Variants in STAG1 observed in about 807,000 individuals in gnomAD.
The protein encoded by STAG1 is STAG1 cohesin complex component, also known as cohesin subunit SA-1.
STAG1 carries 26 observed loss-of-function variants against 170.9 expected under a neutral mutation model. The observed-to-expected ratio is 0.15, with a 90% CI of 0.11 to 0.21. The LOEUF (loss-of-function observed/expected upper bound fraction) is 0.21. Among genes scored for constraint, STAG1 ranks in the 10% least tolerant of loss-of-function variants. The probability of loss-of-function intolerance (pLI) is 1.00; values close to 1 mark genes in which losing one functional copy is unlikely to be tolerated. For missense variants in STAG1, 964 were observed against 1,509.5 expected (o/e 0.64, Z 5.99); for synonymous variants, 514 against 497.7 (o/e 1.03, Z -0.44).
At chr3:136,702,758 G>C (rs1401351198) in intron 1 of STAG1, among the ~76,000 whole-genome samples, 4 of 152,058 alleles carry the variant, frequency 2.6e-5, no homozygotes, top group African/African-American at 9.7e-5. Context: ...GGAAACAGGA[G>C]ATAACGTCAA....
chr3:136,500,181 T>C, intron 9 of STAG1, 42 bp downstream of exon 9: 1 of 1,267,664 alleles, frequency 7.9e-7, no homozygotes, highest in South Asian at 1.3e-5. Flanking sequence ...TCAATAATTG[T>C]TTAAGTGAAA....
In STAG1 at chr3:136,664,754, A is replaced by G. The variant is rs1003159149; in HGVS notation, c.-83-33773T>C. On this transcript the variant is annotated intron_variant, in intron 1 of 33. Coordinates refer to ENST00000383202, the MANE Select transcript of STAG1 (RefSeq NM_005862.3). ...GGCATTAAAGACTACCACATGCCAC[A>G]GCCAAGAGAAAGACCTGTGGATGAA... 1.1e-4 allele frequency among the ~76,000 whole-genome samples: 17 copies of G among 152,234 alleles called. 1 individual carries two copies. The highest frequency in any genetic ancestry group is 2.1e-4 in the South Asian group (1 of 4,836).
At chr3:136,507,690 G>A (rs1281135005) in intron 7 of STAG1, among the ~76,000 whole-genome samples, 5 of 151,968 alleles carry the variant, frequency 3.3e-5, no homozygotes, top group African/African-American at 1.2e-4. Context: ...TAAATCATGT[G>A]ACTATATTAT....
chr3:136,663,950 C>G (rs1941667254), intron 1 of STAG1, among the ~76,000 whole-genome samples: 1 of 152,026 alleles, frequency 6.6e-6, no homozygotes, highest in African/African-American at 2.4e-5. Context: ...AGAGAGGATC[C>G]AAGCTTAAAA....
At chr3:136,547,544 T>A (rs549922844) in intron 5 of STAG1, among the ~76,000 whole-genome samples, 1 of 152,340 alleles carries the variant, frequency 6.6e-6, no homozygotes, top group South Asian at 2.1e-4. Context: ...TTCCATGAGT[T>A]AACATACCTC....
At chr3:136,394,638 G>A (rs555785630) in intron 22 of STAG1, among the ~76,000 whole-genome samples, 21 of 151,522 alleles carry the variant, frequency 1.4e-4, no homozygotes, top group African/African-American at 4.6e-4. Flanking sequence ...GTAGCCAGGC[G>A]TGGCTGGGTG....
chr3:136,409,386 G>A (rs531097646), intron 21 of STAG1, among the ~76,000 whole-genome samples: 2 of 152,156 alleles, frequency 1.3e-5, no homozygotes, highest in South Asian at 4.2e-4. Flanking sequence ...ATCCAGGATG[G>A]AGTGCAGTGG....
chr3:136,663,829 A>T (rs1157718970), intron 1 of STAG1, among the ~76,000 whole-genome samples: 1 of 152,204 alleles, frequency 6.6e-6, no homozygotes, highest in East Asian at 1.9e-4. Context: ...CTCAGATCAG[A>T]AAATGTGGGT....
At chr3:136,561,515 T>C (rs1305211690) in intron 5 of STAG1, among the ~76,000 whole-genome samples, 2 of 152,232 alleles carry the variant, frequency 1.3e-5, no homozygotes, top group African/African-American at 2.4e-5. Context: ...TTAAATCTTC[T>C]AACTGGCTGT....
intron 14 of STAG1, among the ~76,000 whole-genome samples, chr3:136,450,068 A>T (rs879879142): frequency 3.3e-5 from 5 of 151,926 alleles, no homozygotes; most frequent in Non-Finnish European, 5.9e-5. Context: ...CCTCTAAAAA[A>T]CCTAAGGGAG....
At chr3:136,366,793 T>G (rs1283386738) in intron 25 of STAG1, 150 bp downstream of exon 25, 10 of 558,458 alleles carry the variant, frequency 1.8e-5, no homozygotes, top group South Asian at 3.5e-5. Flanking sequence ...TACAGACTGA[T>G]AAAAAGCTTA....
intron 5 of STAG1, among the ~76,000 whole-genome samples, chr3:136,545,145 T>C (rs1380724152): frequency 2.0e-5 from 3 of 151,942 alleles, no homozygotes; most frequent in Non-Finnish European, 4.4e-5. Context: ...GCCTCCCGGG[T>C]TCAAGTGATT....
At chr3:136,594,303 C>T (rs924194934) in intron 4 of STAG1, among the ~76,000 whole-genome samples, 2 of 152,090 alleles carry the variant, frequency 1.3e-5, no homozygotes, top group African/African-American at 4.8e-5. Flanking sequence ...ATCTATAATT[C>T]GGAGGCTAGA....
chr3:136,369,018 T>TA, intron 24 of STAG1, 90 bp downstream of exon 24: 1 of 1,241,778 alleles, frequency 8.1e-7, no homozygotes, highest in Non-Finnish European at 1.1e-6. Context: ...GAAATCTCGA[T>TA]AATTTTTAGA....
chr3:136,642,264 CTTTTTTTTTTTTTTT>C (rs10592920), intron 1 of STAG1, among the ~76,000 whole-genome samples: 41 of 84,950 alleles, frequency 4.8e-4, no homozygotes, highest in African/African-American at 1.5e-3. Context: ...GACAGAATTT[CTTTTTTTTTTTTTTT>C]TTTTTTTTTT....
At chr3:136,751,503 A>G (rs1048010897) in intron 1 of STAG1, among the ~76,000 whole-genome samples, 1 of 151,956 alleles carries the variant, frequency 6.6e-6, no homozygotes, top group Non-Finnish European at 1.5e-5. Context: ...GGCAGTGCTT[A>G]GGCCTGGACA....
intron 5 of STAG1, among the ~76,000 whole-genome samples, chr3:136,565,047 AGGGAGGGAGGGAGGG>A (rs1937012890): frequency 1.5e-4 from 1 of 6,698 alleles, no homozygotes; most frequent in Non-Finnish European, 2.7e-4. Context: ...GGCAGAAGGG[AGGGAGGGAGGGAGGG>A]AGGGAGGGAG....
chr3:136,695,386 G>A (rs576436577), intron 1 of STAG1, among the ~76,000 whole-genome samples: 3 of 151,130 alleles, frequency 2.0e-5, no homozygotes, highest in African/African-American at 4.9e-5. Flanking sequence ...GCAGTGCGCC[G>A]AGATTGCACC....
At chr3:136,637,733 G>A (rs1940627400) in intron 1 of STAG1, among the ~76,000 whole-genome samples, 2 of 152,128 alleles carry the variant, frequency 1.3e-5, no homozygotes, top group African/African-American at 4.8e-5. Flanking sequence ...TGTGGTAAGT[G>A]ACTGGAAGAG....
Sources: allele counts gnomAD v4.1 joint callset (sites outside exome capture counted in the v4.1 genomes callset), GRCh38; gene constraint gnomAD v4.1.1; transcripts MANE v1.5; gene names NCBI Gene and HGNC (gene_info 2026-07-23, HGNC 2026-07-21).